The following FBN2 variants were observed in gnomAD, a reference collection of about 807,000 sequenced individuals.
FBN2 encodes fibrillin-2.
FBN2 carries 105 observed loss-of-function variants against 355.6 expected under a neutral mutation model. That is an observed-to-expected ratio of 0.30 (90% CI 0.25 to 0.35). The LOEUF is 0.35. FBN2 is among the 10% of genes least tolerant of loss of function. The pLI is 1.00. For synonymous variants in FBN2, 1,350 were observed against 1,301.2 expected, an observed-to-expected ratio of 1.04 and a Z score of -0.81; for missense variants, 3,280 against 3,758.7, an observed-to-expected ratio of 0.87 and a Z score of 3.33.
chr5:128,310,398 ATATATTTTTT>A (rs1473801025), intron 39 of FBN2, among the ~76,000 whole-genome samples: 51 of 11,186 alleles, frequency 4.6e-3, no homozygotes, highest in East Asian at 0.017. Context: ...ATATATATAT[ATATATTTTTT>A]TTTTTTTTTT....
chr5:128,296,568 G>A (rs1756476673), intron 48 of FBN2, among the ~76,000 whole-genome samples: 1 of 152,078 alleles, frequency 6.6e-6, no homozygotes, highest in Non-Finnish European at 1.5e-5. Flanking sequence ...AGTCTTGGGA[G>A]AGTGTATGTG....
chr5:128,532,578 G>A (rs1756736982), intron 2 of FBN2, among the ~76,000 whole-genome samples: 2 of 152,196 alleles, frequency 1.3e-5, no homozygotes, highest in African/African-American at 2.4e-5. Flanking sequence ...GTCTGGAAAT[G>A]CTCTGAAACT....
intron 7 of FBN2, among the ~76,000 whole-genome samples, chr5:128,419,724 C>T (rs1321417151): frequency 2.0e-5 from 3 of 151,942 alleles, no homozygotes; most frequent in South Asian, 2.1e-4. Flanking sequence ...AAGAGTTTTG[C>T]TCTTGTTGCC....
chr5:128,466,329 A>G (rs1754709407), intron 5 of FBN2, among the ~76,000 whole-genome samples: 1 of 152,230 alleles, frequency 6.6e-6, no homozygotes, highest in Non-Finnish European at 1.5e-5. Context: ...TCTAACATAA[A>G]TGATATTATT....
At chr5:128,407,234 G>A (rs979496371) in intron 8 of FBN2, among the ~76,000 whole-genome samples, 1 of 152,124 alleles carries the variant, frequency 6.6e-6, no homozygotes, top group Non-Finnish European at 1.5e-5. Flanking sequence ...TTCATTGGCT[G>A]CAAAACACTG....
chr5:128,408,017 T>A (rs1181217755), intron 8 of FBN2, among the ~76,000 whole-genome samples: 1 of 152,216 alleles, frequency 6.6e-6, no homozygotes, highest in African/African-American at 2.4e-5. Flanking sequence ...TTTTCCTCTC[T>A]TTTTACCTAT....
rs73341395 is a variant in FBN2 at position 128,273,375 on chromosome 5, T to A, written c.7840+465A>T. On this transcript the variant is annotated intron_variant, in intron 61 of 64. Coordinates refer to ENST00000262464, the MANE Select transcript of FBN2 (RefSeq NM_001999.4). ...GAAAGTGAAGGAGTGAAGCGGGAGC[T>A]TGACTCGTAAAAAACAGAAACAGCC... Among the ~76,000 whole-genome samples the A allele has an allele frequency of 3.2e-3, 489 of 152,322 alleles. 2 individuals carry two copies. The highest frequency in any genetic ancestry group is 0.011 in the African/African-American group (468 of 41,568).
At chr5:128,536,366 C>CGCTGCCCCAA (rs769865075) in intron 2 of FBN2, 36 bp downstream of exon 2, 15 of 1,561,708 alleles carry the variant, frequency 9.6e-6, no homozygotes, top group Non-Finnish European at 1.3e-5. Flanking sequence ...GGGCCGAGTG[C>CGCTGCCCCAA]GCTGCCCCAA....
At position 128,259,739 on chromosome 5, in the gene FBN2, G is replaced by C; in HGVS notation, c.8455C>G (p.Leu2819Val). 6.2e-7 allele frequency: 1 copy of C among 1,613,894 alleles called. No individual in the cohort carries two copies. Residue 2819 changes from leucine (L) to valine (V), a missense_variant, in exon 65 of 65, where the codon CTG becomes GTG. Physicochemically the swap from Leu to Val is conservative, Grantham distance 32 (BLOSUM62 1). Around this residue, in one of 6 missense-constraint regions of FBN2, gnomAD observed 311 missense variants for 319.1 expected, o/e 0.97. Coordinates refer to ENST00000262464, the MANE Select transcript of FBN2 (RefSeq NM_001999.4). ...LSHLGSKEHI[L>V]ELRPAIQPLN... ...GGCTGGATGGCGGGCCTTAGTTCCA[G>C]GATGTGCTCCTTAGAGCCGAGGTGG...
intron 61 of FBN2, among the ~76,000 whole-genome samples, chr5:128,273,451 C>G (rs1041762731): frequency 6.6e-6 from 1 of 152,204 alleles, no homozygotes; most frequent in Non-Finnish European, 1.5e-5. Flanking sequence ...TCTCTGATGA[C>G]AGATTCTTTT....
intron 34 of FBN2, among the ~76,000 whole-genome samples, chr5:128,327,314 T>C (rs1750577721): frequency 6.6e-6 from 1 of 152,196 alleles, no homozygotes; most frequent in African/African-American, 2.4e-5. Flanking sequence ...TTCTGGAGAA[T>C]TTCATGAACT....
chr5:128,271,847 G>T, intron 62 of FBN2, 152 bp downstream of exon 62: 1 of 890,622 alleles, frequency 1.1e-6, no homozygotes, highest in Non-Finnish European at 1.8e-6. Flanking sequence ...CACACTAGCA[G>T]AATGAGTCCC....
chr5:128,369,852 C>T (rs1174521106), intron 15 of FBN2, among the ~76,000 whole-genome samples: 3 of 152,148 alleles, frequency 2.0e-5, no homozygotes, highest in East Asian at 1.9e-4. Context: ...ACTGTTTTAA[C>T]CTCAGAAACT....
rs965338282 is a variant in FBN2, at chr5:128,289,791, C to T, written c.6511+91G>A. On this transcript the variant is annotated intron_variant, in intron 51 of 64. Coordinates refer to ENST00000262464, the MANE Select transcript of FBN2 (RefSeq NM_001999.4). ...ATTAAATACAATATACTATATGTTA[C>T]ATAGTAAAGTTAGCATGAGTTATAA... 2.5e-5 allele frequency: 19 copies of T among 764,272 alleles called. No homozygotes were observed. In the East Asian group the frequency reaches 4.8e-4, roughly 19 times the overall value. 47.3% of individuals were successfully genotyped at this position (764,272 alleles called of 1,614,324 possible).
At chr5:128,332,844 C>T (rs548891106) in intron 32 of FBN2, 68 bp downstream of exon 32, 3 of 1,456,136 alleles carry the variant, frequency 2.1e-6, no homozygotes, top group East Asian at 2.3e-5. Flanking sequence ...CATGATTCTA[C>T]AACCATGCAA....
At position 128,392,119 on chromosome 5, in the gene FBN2, T is replaced by G. The variant is rs773361111; in HGVS notation, c.1502A>C (p.His501Pro). 1 of 1,613,554 alleles carries G rather than the reference T, an allele frequency of 6.2e-7. No homozygotes were observed. Among genetic ancestry groups the G allele is most frequent in the African/African-American group, 1.3e-5 (1 of 74,912 alleles). ...GCGTCCATTTAAACAAAGGTTAGCA[T>G]GATGCTTACAGATATCTATTGTCTG... ...LNQTIDICKH[H>P]ANLCLNGRCI... Residue 501 changes from histidine to proline, a missense_variant, in exon 11 of 65, where the codon CAT becomes CCT. This residue lies in a region of FBN2 where 343 missense variants were observed against 331.0 expected (regional missense o/e 1.04). Coordinates refer to ENST00000262464, the MANE Select transcript of FBN2 (RefSeq NM_001999.4).
chr5:128,495,460 C>T (rs1450316022), intron 5 of FBN2, among the ~76,000 whole-genome samples: 1 of 151,902 alleles, frequency 6.6e-6, no homozygotes, highest in Non-Finnish European at 1.5e-5. Context: ...AGAAGTTTAA[C>T]AAAGTTTAAG....
intron 55 of FBN2, among the ~76,000 whole-genome samples, chr5:128,285,712 A>C (rs1749129145): frequency 6.6e-6 from 1 of 152,120 alleles, no homozygotes; most frequent in Non-Finnish European, 1.5e-5. Context: ...CATTTATGGC[A>C]GATCCATGAC....
chr5:128,281,261 C>T (rs150621616), intron 55 of FBN2, among the ~76,000 whole-genome samples: 1 of 152,240 alleles, frequency 6.6e-6, no homozygotes, highest in Non-Finnish European at 1.5e-5. Flanking sequence ...TAGAGTCTCA[C>T]CTGACATTTT....
Sources: allele counts gnomAD v4.1 joint callset (sites outside exome capture counted in the v4.1 genomes callset), GRCh38; gene constraint gnomAD v4.1.1; regional missense constraint gnomAD v4.1.1; transcripts MANE v1.5; gene names NCBI Gene and HGNC (gene_info 2026-07-23, HGNC 2026-07-21).